Variants in MALRD1 observed in about 807,000 individuals in gnomAD.
The protein encoded by MALRD1 is MAM and LDL-receptor class A domain-containing protein 1.
MALRD1 carries 247 observed loss-of-function variants against 242.1 expected under a neutral mutation model. The ratio of observed to expected loss-of-function variants is 1.02; its 90% CI spans 0.92 to 1.13. The LOEUF (loss-of-function observed/expected upper bound fraction) is 1.13, where lower values mean the gene tolerates loss of function less well. Ranked by LOEUF, MALRD1 falls within the 50% of genes most tolerant of loss-of-function variation. The probability of loss-of-function intolerance (pLI) is 0.00; values close to 1 mark genes in which losing one functional copy is unlikely to be tolerated. For missense variants in MALRD1, 2,989 were observed against 2,533.1 expected (o/e 1.18, Z -3.86); for synonymous variants, 995 against 866.6 (o/e 1.15, Z -2.60).
At chr10:19,555,394 A>C (rs768942856) in intron 32 of MALRD1, among the ~76,000 whole-genome samples, 1 of 152,098 alleles carries the variant, frequency 6.6e-6, no homozygotes, top group Non-Finnish European at 1.5e-5. Context: ...TTTTACAACC[A>C]TGGAGGTCAG....
At chr10:19,396,141 C>T (rs146084738) in intron 28 of MALRD1, among the ~76,000 whole-genome samples, 89 of 103,784 alleles carry the variant, frequency 8.6e-4, no homozygotes, top group South Asian at 1.1e-3. Context: ...TTTTTTTTTT[C>T]TTTTTTTTTT....
At chr10:19,207,540 G>T (rs1202618791) in intron 17 of MALRD1, among the ~76,000 whole-genome samples, 9 of 152,074 alleles carry the variant, frequency 5.9e-5, no homozygotes, top group African/African-American at 2.2e-4. Flanking sequence ...TCCCTCTGTT[G>T]CTTAGGCTGG....
chr10:19,440,650 A>G (rs1834590797), intron 28 of MALRD1, among the ~76,000 whole-genome samples: 1 of 152,126 alleles, frequency 6.6e-6, no homozygotes, highest in Non-Finnish European at 1.5e-5. Flanking sequence ...AGCTTCATCC[A>G]TGTCCCTACA....
intron 22 of MALRD1, among the ~76,000 whole-genome samples, chr10:19,326,107 G>A (rs1017791842): frequency 6.6e-6 from 1 of 152,098 alleles, no homozygotes; most frequent in Non-Finnish European, 1.5e-5. Context: ...ATACACGCAT[G>A]GTTATGTTTA....
chr10:19,258,543 G>T (rs1889513), intron 19 of MALRD1, among the ~76,000 whole-genome samples: 39,178 of 151,948 alleles, frequency 0.26, 5,306 homozygotes, highest in African/African-American at 0.34. Context: ...TGCCGAAAAC[G>T]TAACATTCAT....
At chr10:19,601,196 T>C (rs925717364) in intron 34 of MALRD1, among the ~76,000 whole-genome samples, 1 of 152,220 alleles carries the variant, frequency 6.6e-6, no homozygotes, top group Non-Finnish European at 1.5e-5. Flanking sequence ...AAATATTTTA[T>C]AGATATTAAA....
chr10:19,201,477 G>A (rs532494325), intron 14 of MALRD1, among the ~76,000 whole-genome samples: 1 of 152,096 alleles, frequency 6.6e-6, no homozygotes, highest in African/African-American at 2.4e-5. Flanking sequence ...CCCCTTCCAG[G>A]TAGCTATGGG....
chr10:19,618,879 C>G (rs1839283519), intron 36 of MALRD1, among the ~76,000 whole-genome samples: 1 of 151,886 alleles, frequency 6.6e-6, no homozygotes, highest in Admixed American at 6.6e-5. Context: ...TTTTTCTTTC[C>G]TGTTGTCTAA....
At chr10:19,661,168 C>T (rs537108447) in intron 36 of MALRD1, among the ~76,000 whole-genome samples, 14 of 152,256 alleles carry the variant, frequency 9.2e-5, no homozygotes, top group South Asian at 4.2e-4. Flanking sequence ...GAAATAGGAA[C>T]GCTTTTACAC....
intron 36 of MALRD1, among the ~76,000 whole-genome samples, chr10:19,626,109 C>T (rs897179876): frequency 7.2e-5 from 11 of 152,078 alleles, no homozygotes; most frequent in African/African-American, 2.2e-4. Context: ...TCAAATCTAA[C>T]TTATGGAAAA....
intron 36 of MALRD1, among the ~76,000 whole-genome samples, chr10:19,655,530 GTATATATATATATATA>G (rs56752723): frequency 0.09 from 9,775 of 108,830 alleles, 829 homozygotes; most frequent in African/African-American, 0.22. Flanking sequence ...ATGTGTGAGT[GTATATATATATATATA>G]TATATATATA....
intron 2 of MALRD1, among the ~76,000 whole-genome samples, chr10:19,083,105 CA>C (rs937984809): frequency 1.1e-4 from 16 of 152,132 alleles, no homozygotes; most frequent in African/African-American, 3.9e-4. Context: ...ACTCACCTCC[CA>C]AAAGTCTCAT....
At chr10:19,308,226 ATGTC>A (rs1409966029) in intron 21 of MALRD1, among the ~76,000 whole-genome samples, 2 of 151,272 alleles carry the variant, frequency 1.3e-5, no homozygotes, top group Non-Finnish European at 3.0e-5. Flanking sequence ...TCTATTCTGC[ATGTC>A]TGTGTGTTCA....
chr10:19,683,550 G>C (rs1300165850), intron 36 of MALRD1, among the ~76,000 whole-genome samples: 1 of 152,178 alleles, frequency 6.6e-6, no homozygotes, highest in Non-Finnish European at 1.5e-5. Context: ...TTGAACTCCA[G>C]GTGCCCTGAG....
chr10:19,247,843 G>A (rs577667851), intron 18 of MALRD1, among the ~76,000 whole-genome samples: 9 of 151,956 alleles, frequency 5.9e-5, no homozygotes, highest in East Asian at 1.9e-4. Context: ...AAACTTAACC[G>A]ACGTTAAATT....
chr10:19,208,169 A>G (rs190742141), intron 17 of MALRD1, among the ~76,000 whole-genome samples: 34 of 151,922 alleles, frequency 2.2e-4, no homozygotes, highest in African/African-American at 7.7e-4. Context: ...CTGCTGTAAG[A>G]CTCTTCCTAA....
At chr10:19,479,367 G>A (rs931877197) in intron 29 of MALRD1, among the ~76,000 whole-genome samples, 5 of 152,280 alleles carry the variant, frequency 3.3e-5, no homozygotes, top group South Asian at 4.1e-4. Flanking sequence ...GGAAGGAACA[G>A]CACCTAAGGT....
intron 36 of MALRD1, among the ~76,000 whole-genome samples, chr10:19,660,201 G>A (rs909780353): frequency 6.6e-5 from 10 of 152,114 alleles, no homozygotes; most frequent in Non-Finnish European, 4.4e-5. Flanking sequence ...GTCAGAGCTC[G>A]GGTATGTTTG....
intron 33 of MALRD1, among the ~76,000 whole-genome samples, chr10:19,575,129 A>G (rs773125583): frequency 6.6e-5 from 10 of 152,164 alleles, no homozygotes; most frequent in Non-Finnish European, 1.0e-4. Flanking sequence ...CATGGGTTTG[A>G]ATTGCCCCGT....
Sources: allele counts gnomAD v4.1 joint callset (sites outside exome capture counted in the v4.1 genomes callset), GRCh38; gene constraint gnomAD v4.1.1; transcripts MANE v1.5; gene names NCBI Gene and HGNC (gene_info 2026-07-23, HGNC 2026-07-21).